PCDH9: variants seen among roughly 807,000 people sequenced by gnomAD.
PCDH9 encodes protocadherin-9.
PCDH9 carries 24 observed loss-of-function variants against 70.6 expected under a neutral mutation model. That is an observed-to-expected ratio of 0.34 (90% CI 0.25 to 0.48). PCDH9 has a LOEUF of 0.48. Among genes scored for constraint, PCDH9 ranks in the 20% least tolerant of loss-of-function variants. The pLI, the probability that PCDH9 is intolerant of heterozygous loss-of-function variation, is 0.99. For missense variants in PCDH9, 1,281 were observed against 1,503.6 expected (o/e 0.85, Z 2.45); for synonymous variants, 562 against 558.5 (o/e 1.01, Z -0.09).
chr13:67,052,574 T>C (rs1162959809), intron 2 of PCDH9, among the ~76,000 whole-genome samples: 2 of 151,640 alleles, frequency 1.3e-5, no homozygotes, highest in South Asian at 2.1e-4. Context: ...AAATCACAAC[T>C]GTAGGTTGCA....
intron 3 of PCDH9, among the ~76,000 whole-genome samples, chr13:66,695,196 C>G (rs2078544712): frequency 6.6e-6 from 1 of 152,176 alleles, no homozygotes; most frequent in Non-Finnish European, 1.5e-5. Context: ...AGCCACCGCG[C>G]CCGGTATATA....
intron 3 of PCDH9, among the ~76,000 whole-genome samples, chr13:66,641,870 T>C (rs2077713382): frequency 1.3e-5 from 2 of 152,184 alleles, no homozygotes; most frequent in Admixed American, 6.5e-5. Flanking sequence ...GTAATGGTAT[T>C]GTGAAAAATG....
At chr13:66,474,826 G>A (rs1012508534) in intron 4 of PCDH9, among the ~76,000 whole-genome samples, 5 of 152,010 alleles carry the variant, frequency 3.3e-5, no homozygotes, top group African/African-American at 7.2e-5. Context: ...AAATTCCAGA[G>A]TTCTTAAATT....
At chr13:67,058,938 C>T (rs1013558475) in intron 2 of PCDH9, among the ~76,000 whole-genome samples, 1 of 151,938 alleles carries the variant, frequency 6.6e-6, no homozygotes, top group South Asian at 2.1e-4. Flanking sequence ...ATAAAGACTG[C>T]TTAAGGGGCA....
rs76535701 is a variant in PCDH9, at chr13:66,305,176, C to T, written c.3341-148G>A. Reference sequence around the variant, plus strand: ...GCAACTCAAAGATATATTTCTCCATCTTTTAAAGATTAACACAAAAGGCAT... The same window carrying T: ...GCAACTCAAAGATATATTTCTCCATTTTTTAAAGATTAACACAAAAGGCAT... On this transcript the variant is annotated intron_variant, in intron 4 of 4. Transcript: ENST00000377865. 9.6e-6 allele frequency: 7 copies of T among 727,564 alleles called. No individual in the cohort carries two copies. The East Asian group carries it at 1.9e-4, about 20-fold the overall frequency. The allele number at this position is 727,564 out of a possible 1,614,324, so 45.1% of individuals were successfully genotyped here. A position where few individuals can be genotyped will look rare whatever the true frequency, so the allele number is the denominator to read the frequency against.
intron 3 of PCDH9, among the ~76,000 whole-genome samples, chr13:66,890,063 G>C (rs2082070956): frequency 6.6e-6 from 1 of 152,084 alleles, no homozygotes; most frequent in African/African-American, 2.4e-5. Flanking sequence ...TCTCTGTTTT[G>C]TATTTCTTAG....
chr13:66,932,659 C>CACATATATATATAT (rs1555287813), intron 2 of PCDH9, among the ~76,000 whole-genome samples: 2 of 130,356 alleles, frequency 1.5e-5, no homozygotes, highest in African/African-American at 6.4e-5. Context: ...TAAATCCTCA[C>CACATATATATATAT]ATATATATAT....
chr13:66,694,711 T>C (rs984418946), intron 3 of PCDH9, among the ~76,000 whole-genome samples: 9 of 151,978 alleles, frequency 5.9e-5, no homozygotes, highest in Non-Finnish European at 1.2e-4. Flanking sequence ...TGATATCATA[T>C]ATATTGTATA....
At chr13:66,550,897 A>C (rs915374618) in intron 4 of PCDH9, among the ~76,000 whole-genome samples, 5 of 152,170 alleles carry the variant, frequency 3.3e-5, no homozygotes, top group African/African-American at 1.2e-4. Flanking sequence ...TGACAATACA[A>C]ATGATACTCT....
intron 2 of PCDH9, among the ~76,000 whole-genome samples, chr13:67,174,919 C>T (rs1032462675): frequency 6.7e-6 from 1 of 150,120 alleles, no homozygotes; most frequent in African/African-American, 2.5e-5. Context: ...ACTGCTTGAG[C>T]CCAGAGTTTG....
chr13:67,209,604 A>G (rs1323921221), intron 2 of PCDH9: 1 of 152,108 alleles, frequency 6.6e-6, no homozygotes, highest in Non-Finnish European at 1.5e-5. Context: ...AGTAGTAGTA[A>G]ATGCAAGCAA....
At chr13:66,468,532 T>C (rs930527943) in intron 4 of PCDH9, among the ~76,000 whole-genome samples, 3 of 152,148 alleles carry the variant, frequency 2.0e-5, no homozygotes, top group African/African-American at 7.2e-5. Context: ...AGATTTGTTA[T>C]GTCTTACACT....
intron 4 of PCDH9, among the ~76,000 whole-genome samples, chr13:66,445,545 A>C (rs1227501477): frequency 1.4e-5 from 2 of 144,136 alleles, no homozygotes; most frequent in Non-Finnish European, 3.0e-5. Flanking sequence ...TATATTATAT[A>C]TACACATATA....
chr13:66,345,016 T>A (rs1291778692), intron 4 of PCDH9, among the ~76,000 whole-genome samples: 1 of 152,226 alleles, frequency 6.6e-6, no homozygotes, highest in Non-Finnish European at 1.5e-5. Flanking sequence ...ACTACATGCA[T>A]GTGACACTTT....
At chr13:66,840,692 T>C (rs1438358194) in intron 3 of PCDH9, among the ~76,000 whole-genome samples, 2 of 152,210 alleles carry the variant, frequency 1.3e-5, no homozygotes, top group South Asian at 2.1e-4. Flanking sequence ...AATTTCACTC[T>C]AGTAGGGCAG....
chr13:66,806,081 A>G (rs1242115600), intron 3 of PCDH9, among the ~76,000 whole-genome samples: 1 of 152,074 alleles, frequency 6.6e-6, no homozygotes, highest in African/African-American at 2.4e-5. Flanking sequence ...CATTTTAGAA[A>G]CCTTATGTAT....
intron 3 of PCDH9, among the ~76,000 whole-genome samples, chr13:66,651,859 T>C (rs1018148422): frequency 7.2e-5 from 11 of 152,060 alleles, no homozygotes; most frequent in African/African-American, 2.4e-4. Context: ...GTTCAATATA[T>C]GCAAATTGCT....
At chr13:66,654,991 G>C (rs950214576) in intron 3 of PCDH9, among the ~76,000 whole-genome samples, 8 of 152,034 alleles carry the variant, frequency 5.3e-5, no homozygotes, top group Non-Finnish European at 1.0e-4. Flanking sequence ...CTACCAAAGT[G>C]CTAGGATTAT....
rs372534915 is a variant in PCDH9 at position 66,829,497 on chromosome 13, TGTG to T, written c.3138+74004_3138+74006del. Among the ~76,000 whole-genome samples the T allele has an allele frequency of 2.5e-4, 38 of 152,016 alleles. 1 individual carries two copies. The highest frequency in any genetic ancestry group is 3.9e-4 in the African/African-American group (16 of 41,500). On this transcript the variant is annotated intron_variant, in intron 3 of 4. Coordinates refer to ENST00000377865, the MANE Select transcript of PCDH9 (RefSeq NM_203487.3). ...GAACTGGAGAAAATTATTGGAGTGA[TGTG>T]GTGATAGTTACATAACTGTATATAT...
Sources: gnomAD v4.1 joint callset for allele counts (sites outside exome capture counted in the v4.1 genomes callset) on GRCh38, gnomAD v4.1.1 for gene constraint, MANE v1.5 for transcripts, NCBI Gene and HGNC (gene_info 2026-07-23, HGNC 2026-07-21) for gene names.